The following PDE4D variants were observed in gnomAD, a reference collection of about 807,000 sequenced individuals.
PDE4D encodes phosphodiesterase 4D.
In PDE4D, 24 loss-of-function variants were observed where a neutral mutation model predicts 87.4. The ratio of observed to expected loss-of-function variants is 0.27; its 90% CI spans 0.20 to 0.39. The LOEUF is 0.39. Among genes scored for constraint, PDE4D ranks in the 10% least tolerant of loss-of-function variants. The pLI, the probability that PDE4D is intolerant of heterozygous loss-of-function variation, is 1.00. For missense variants in PDE4D, 714 were observed against 1,041.0 expected (o/e 0.69, Z 4.32); for synonymous variants, 384 against 383.2 (o/e 1.00, Z -0.02).
At chr5:59,456,341 G>A (rs1799922988) in intron 1 of PDE4D, among the ~76,000 whole-genome samples, 1 of 152,106 alleles carries the variant, frequency 6.6e-6, no homozygotes, top group Non-Finnish European at 1.5e-5. Context: ...CTTTAAAAAT[G>A]GGAGTTTCCC....
At chr5:60,107,256 A>G (rs1014839717) in intron 2 of PDE4D, among the ~76,000 whole-genome samples, 2 of 152,216 alleles carry the variant, frequency 1.3e-5, no homozygotes, top group Admixed American at 6.5e-5. Context: ...TAGAAAATCT[A>G]GAAGAAATGG....
intron 1 of PDE4D, chr5:59,216,753 C>A (rs1002197680): frequency 1.9e-5 from 3 of 158,702 alleles, no homozygotes; most frequent in Non-Finnish European, 2.8e-5. Context: ...CCTCCTGCTC[C>A]CCTAAATAAT....
chr5:59,415,569 T>G (rs146251949), intron 1 of PDE4D, among the ~76,000 whole-genome samples: 1 of 152,340 alleles, frequency 6.6e-6, no homozygotes, highest in Admixed American at 6.5e-5. Context: ...TAATACTATA[T>G]TTGGAACAAC....
chr5:59,601,204 C>T (rs1453623868), intron 1 of PDE4D, among the ~76,000 whole-genome samples: 1 of 152,122 alleles, frequency 6.6e-6, no homozygotes, highest in Non-Finnish European at 1.5e-5. Flanking sequence ...TAATTTGTAA[C>T]GTACCAGATG....
chr5:60,013,761 G>C (rs890506744), intron 2 of PDE4D, among the ~76,000 whole-genome samples: 3 of 151,984 alleles, frequency 2.0e-5, no homozygotes, highest in African/African-American at 7.3e-5. Flanking sequence ...GACTTACTTT[G>C]GCACATTAGA....
At chr5:59,342,044 A>G (rs748946468) in intron 1 of PDE4D, among the ~76,000 whole-genome samples, 8 of 152,178 alleles carry the variant, frequency 5.3e-5, no homozygotes, top group Non-Finnish European at 1.0e-4. Context: ...CAAGTGGAAG[A>G]GCCATGATTT....
chr5:59,945,863 A>T (rs1581853819), intron 3 of PDE4D, among the ~76,000 whole-genome samples: 1 of 152,208 alleles, frequency 6.6e-6, no homozygotes, highest in East Asian at 1.9e-4. Context: ...CCTCACTTAA[A>T]GGAATGACTC....
intron 1 of PDE4D, among the ~76,000 whole-genome samples, chr5:59,273,363 A>G (rs533563508): frequency 1.2e-4 from 19 of 152,124 alleles, no homozygotes; most frequent in Non-Finnish European, 2.1e-4. Flanking sequence ...ATATATATAC[A>G]CACAAACATA....
intron 1 of PDE4D, chr5:59,276,138 A>G (rs1042922065): frequency 5.8e-4 from 572 of 983,620 alleles, no homozygotes; most frequent in Non-Finnish European, 6.6e-4. Context: ...AAAAAAAAAA[A>G]AAAAAGAAAA....
rs77271776 is a variant in PDE4D at position 59,181,949 on chromosome 5, G to C, written c.759-1305C>G. On this transcript the variant is annotated intron_variant, in intron 4 of 14. Transcript: ENST00000340635. ...GCTGAGATGATGAATTTCTTAGCAG[G>C]GTGGGGGAAAGTTGGGGAAAGCAGC... 2.9e-3 allele frequency among the ~76,000 whole-genome samples: 448 copies of C among 152,136 alleles called. 8 individuals carry two copies. The East Asian group carries it at 0.053, about 18-fold the overall frequency.
intron 2 of PDE4D, among the ~76,000 whole-genome samples, chr5:60,102,539 T>C (rs1030357572): frequency 3.3e-5 from 5 of 152,160 alleles, no homozygotes; most frequent in Non-Finnish European, 7.4e-5. Context: ...AATTTCATTT[T>C]AACATGACTG....
At chr5:59,833,593 C>T (rs549103885) in intron 1 of PDE4D, among the ~76,000 whole-genome samples, 9 of 152,072 alleles carry the variant, frequency 5.9e-5, no homozygotes, top group South Asian at 4.2e-4. Context: ...AATTACTGAA[C>T]GGTAGCCGTG....
chr5:59,063,273 T>A (rs1015628199), intron 5 of PDE4D: 17 of 152,308 alleles, frequency 1.1e-4, no homozygotes, highest in South Asian at 1.0e-3. Context: ...TTTTGAACAT[T>A]TTACTATGAT....
chr5:59,416,014 A>AT (rs991838774), intron 1 of PDE4D, among the ~76,000 whole-genome samples: 27 of 152,092 alleles, frequency 1.8e-4, no homozygotes, highest in African/African-American at 4.8e-5. Flanking sequence ...CTAAATCTCT[A>AT]TTTTCGGAAG....
intron 1 of PDE4D, among the ~76,000 whole-genome samples, chr5:60,390,816 C>T (rs1012905192): frequency 6.6e-6 from 1 of 152,098 alleles, no homozygotes; most frequent in Non-Finnish European, 1.5e-5. Context: ...AACCCTCTGC[C>T]CTCAGAGCCT....
chr5:60,114,797 T>C (rs1164934474), intron 2 of PDE4D, among the ~76,000 whole-genome samples: 2 of 152,078 alleles, frequency 1.3e-5, no homozygotes, highest in Non-Finnish European at 2.9e-5. Flanking sequence ...ATATTACCAC[T>C]TTAAAAATCC....
intron 2 of PDE4D, among the ~76,000 whole-genome samples, chr5:59,990,825 C>T: frequency 6.6e-6 from 1 of 152,154 alleles, no homozygotes; most frequent in Non-Finnish European, 1.5e-5. Flanking sequence ...GATTAATCAT[C>T]TTACTTCGCC....
chr5:60,455,812 T>C (rs1270277683), intron 1 of PDE4D, among the ~76,000 whole-genome samples: 1 of 152,150 alleles, frequency 6.6e-6, no homozygotes, highest in Non-Finnish European at 1.5e-5. Context: ...CAGGAGGCCA[T>C]TCAAGGACCT....
chr5:59,745,514 C>A (rs1398063980), intron 1 of PDE4D, among the ~76,000 whole-genome samples: 1 of 152,114 alleles, frequency 6.6e-6, no homozygotes, highest in African/African-American at 2.4e-5. Flanking sequence ...CATGTTCTAG[C>A]CAATTCTGGA....
Sources: allele counts gnomAD v4.1 joint callset (sites outside exome capture counted in the v4.1 genomes callset), GRCh38; gene constraint gnomAD v4.1.1; transcripts MANE v1.5; gene names NCBI Gene and HGNC (gene_info 2026-07-23, HGNC 2026-07-21).